The following PRCP variants were observed in gnomAD, a reference collection of about 807,000 sequenced individuals.
PRCP encodes the protein lysosomal Pro-X carboxypeptidase.
In PRCP, 46 loss-of-function variants were observed where a neutral mutation model predicts 54.2. That is an observed-to-expected ratio of 0.85 (90% CI 0.67 to 1.09). PRCP has a LOEUF of 1.09. PRCP is among the 50% of genes least tolerant of loss of function. The pLI is 0.00. For missense variants in PRCP, 613 were observed against 596.8 expected, an observed-to-expected ratio of 1.03 and a Z score of -0.28; for synonymous variants, 240 against 212.2, an observed-to-expected ratio of 1.13 and a Z score of -1.14.
At position 82,871,316 on chromosome 11, in the gene PRCP, CTA is replaced by C. The variant is rs1859478474; in HGVS notation, c.169-11201_169-11200del. Among the ~76,000 whole-genome samples the C allele has an allele frequency of 4.6e-5, 7 of 151,786 alleles. No homozygotes were observed. In the South Asian group the frequency reaches 1.5e-3, roughly 32 times the overall value. ...TGCCTCAGCCTCTGAGTAGCTGCGA[CTA>C]TGGGCGTGCCCCACCATTCCCTGCT... On this transcript the variant is annotated intron_variant, in intron 1 of 8. Coordinates refer to ENST00000313010, the MANE Select transcript of PRCP (RefSeq NM_005040.4).
chr11:82,899,311 A>C (rs566972926), intron 1 of PRCP, among the ~76,000 whole-genome samples: 1 of 152,278 alleles, frequency 6.6e-6, no homozygotes, highest in South Asian at 2.1e-4. Flanking sequence ...CCATCACCAC[A>C]AACCCCAAGA....
rs201369443 is a variant in PRCP, at chr11:82,825,065, A to G, written c.1332T>C (p.Thr444=). The G allele has an allele frequency of 6.2e-7, 1 of 1,614,064 alleles. No homozygotes were observed. The highest frequency in any genetic ancestry group is 8.5e-7 in the Non-Finnish European group (1 of 1,179,986). ...CCTCTGAGATGGTGACTGCAACCAG[A>G]GTGTCTGTGATATCCTTAGTTACTC... The part of the protein sequence containing the change: ...GGGVTKDITD[T]LVAVTISEGA... Residue 444 remains threonine (T), a synonymous_variant, in exon 9 of 9, where the codon ACT becomes ACC. Coordinates refer to ENST00000313010, the MANE Select transcript of PRCP (RefSeq NM_005040.4).
At chr11:82,871,777 T>A (rs776837872) in intron 1 of PRCP, among the ~76,000 whole-genome samples, 2 of 152,214 alleles carry the variant, frequency 1.3e-5, no homozygotes, top group Non-Finnish European at 2.9e-5. Context: ...ATTTCCCATA[T>A]AACACTATAT....
At chr11:82,876,918 G>A (rs1254628994) in intron 1 of PRCP, among the ~76,000 whole-genome samples, 1 of 152,204 alleles carries the variant, frequency 6.6e-6, no homozygotes, top group African/African-American at 2.4e-5. Context: ...GGAGGGCTGA[G>A]AATAAGATAG....
At chr11:82,839,494 A>C in intron 6 of PRCP, 69 bp from the exon 7 acceptor site, 1 of 1,451,696 alleles carries the variant, frequency 6.9e-7, no homozygotes, top group Non-Finnish European at 9.5e-7. Context: ...TTAATAACAC[A>C]AAGAAGAAAT....
rs181907477 is a variant in PRCP, at chr11:82,887,267, A to G, written c.168+12968T>C. 2.9e-3 allele frequency among the ~76,000 whole-genome samples: 445 copies of G among 152,232 alleles called. 1 individual carries two copies. Among genetic ancestry groups the G allele is most frequent in the Non-Finnish European group, 5.4e-3 (364 of 67,992 alleles). ...CATACTTCCTTAAAGCATACATCACACCTTTAATTACTTGTGACTATCTTC... is the reference window on the plus strand; with the variant it reads ...CATACTTCCTTAAAGCATACATCACGCCTTTAATTACTTGTGACTATCTTC... On this transcript the variant is annotated intron_variant, in intron 1 of 8. Transcript: ENST00000313010.
intron 1 of PRCP, among the ~76,000 whole-genome samples, chr11:82,887,685 A>G (rs1222159051): frequency 6.6e-6 from 1 of 152,194 alleles, no homozygotes; most frequent in East Asian, 1.9e-4. Context: ...CATAGAAACT[A>G]GGACCCTTCT....
upstream of PRCP, chr11:82,901,411 A>G: frequency 6.2e-6 from 1 of 161,662 alleles, no homozygotes; most frequent in Admixed American, 5.8e-5. Flanking sequence ...TGGCTTCCAA[A>G]GCTCCCTCAA....
intron 1 of PRCP, among the ~76,000 whole-genome samples, chr11:82,868,943 C>T (rs752718472): frequency 3.9e-5 from 6 of 151,942 alleles, no homozygotes; most frequent in Admixed American, 6.6e-5. Context: ...GGCTGAGGCC[C>T]GAGAATCACT....
chr11:82,897,601 A>G (rs1469108507), intron 1 of PRCP, among the ~76,000 whole-genome samples: 2 of 152,240 alleles, frequency 1.3e-5, no homozygotes, highest in African/African-American at 4.8e-5. Flanking sequence ...GGTATTCCAG[A>G]CAGAATTTCT....
intron 2 of PRCP, among the ~76,000 whole-genome samples, chr11:82,854,477 A>G (rs920784307): frequency 7.2e-5 from 11 of 152,220 alleles, no homozygotes; most frequent in Admixed American, 2.0e-4. Context: ...AATGAGAATT[A>G]CAAACCACTG....
chr11:82,841,294 A>G (rs188976803), intron 6 of PRCP, among the ~76,000 whole-genome samples: 71 of 151,746 alleles, frequency 4.7e-4, no homozygotes, highest in African/African-American at 1.7e-3. Context: ...AAAACTGTAA[A>G]AGAGAAAATG....
chr11:82,890,398 G>A (rs1177792065), intron 1 of PRCP, among the ~76,000 whole-genome samples: 1 of 152,052 alleles, frequency 6.6e-6, no homozygotes, highest in African/African-American at 2.4e-5. Flanking sequence ...TATATGATGT[G>A]CCTAACCCAG....
intron 1 of PRCP, among the ~76,000 whole-genome samples, chr11:82,875,704 G>T (rs922201215): frequency 1.3e-5 from 2 of 152,122 alleles, no homozygotes; most frequent in African/African-American, 4.8e-5. Context: ...TCTATATAAG[G>T]AATGCACATT....
intron 6 of PRCP, chr11:82,846,108 A>G (rs1858801160): frequency 6.6e-6 from 1 of 152,018 alleles, no homozygotes; most frequent in Admixed American, 6.6e-5. Context: ...ATATTATCTC[A>G]CCATCCTAAG....
In PRCP at chr11:82,853,160, G is replaced by C. The variant is rs200312514; in HGVS notation, c.411+17C>G. ...AAAAGAAAAAGCTTGTAACTTTTAA[G>C]TAAAAAGTATCTTTACCTTGAATGA... On this transcript the variant is annotated intron_variant, in intron 3 of 8. Coordinates refer to ENST00000313010, the MANE Select transcript of PRCP (RefSeq NM_005040.4). 8 of 1,543,208 alleles carry C rather than the reference G, an allele frequency of 5.2e-6. No homozygotes were observed. In the East Asian group the frequency reaches 1.6e-4, roughly 31 times the overall value.
chr11:82,861,182 AAAT>A (rs1859200224), intron 1 of PRCP, among the ~76,000 whole-genome samples: 1 of 152,140 alleles, frequency 6.6e-6, no homozygotes, highest in South Asian at 2.1e-4. Flanking sequence ...AAAAAGTAAA[AAAT>A]TCAACATTTA....
At chr11:82,864,816 G>C (rs549580841) in intron 1 of PRCP, among the ~76,000 whole-genome samples, 1 of 152,112 alleles carries the variant, frequency 6.6e-6, no homozygotes, top group Non-Finnish European at 1.5e-5. Flanking sequence ...TGTGAGAATG[G>C]GTAGGCAAGA....
intron 6 of PRCP, among the ~76,000 whole-genome samples, chr11:82,847,539 A>G (rs1858836602): frequency 6.6e-6 from 1 of 152,254 alleles, no homozygotes; most frequent in South Asian, 2.1e-4. Flanking sequence ...ATTAGCACAT[A>G]GATGTTTATG....
Sources: allele counts gnomAD v4.1 joint callset (sites outside exome capture counted in the v4.1 genomes callset), GRCh38; gene constraint gnomAD v4.1.1; transcripts MANE v1.5; gene names NCBI Gene and HGNC (gene_info 2026-07-23, HGNC 2026-07-21).